ZNF423: variants seen among roughly 807,000 people sequenced by gnomAD.
The protein encoded by ZNF423 is Ebf-associated zinc finger protein.
Under a neutral mutation model 95.8 loss-of-function variants are expected in ZNF423, and 12 were observed. The ratio of observed to expected loss-of-function variants is 0.13; its 90% CI spans 0.08 to 0.20. ZNF423 has a LOEUF of 0.20. ZNF423 is among the 10% of genes least tolerant of loss of function. ZNF423 has a pLI of 1.00. For missense variants in ZNF423, 1,316 were observed against 1,737.1 expected, an observed-to-expected ratio of 0.76 and a Z score of 4.31; for synonymous variants, 749 against 711.9, an observed-to-expected ratio of 1.05 and a Z score of -0.83.
chr16:49,832,140 C>T (rs1212577877), intron 1 of ZNF423, among the ~76,000 whole-genome samples: 1 of 152,198 alleles, frequency 6.6e-6, no homozygotes, highest in East Asian at 1.9e-4. Flanking sequence ...GTGGGGCAGG[C>T]ATCATTCCTT....
At chr16:49,515,311 C>T (rs1225956328) in intron 7 of ZNF423, among the ~76,000 whole-genome samples, 1 of 152,266 alleles carries the variant, frequency 6.6e-6, no homozygotes, top group Non-Finnish European at 1.5e-5. Flanking sequence ...ACTTGTGCTA[C>T]CTGCTTGGCC....
chr16:49,753,457 G>T (rs2033668500), intron 2 of ZNF423, among the ~76,000 whole-genome samples: 1 of 149,180 alleles, frequency 6.7e-6, no homozygotes, highest in Admixed American at 6.7e-5. Context: ...AAAAAAATTA[G>T]CCAGGCGTGG....
intron 1 of ZNF423, among the ~76,000 whole-genome samples, chr16:49,849,364 T>C (rs1044394072): frequency 6.6e-6 from 1 of 152,124 alleles, no homozygotes; most frequent in East Asian, 1.9e-4. Flanking sequence ...TCAGCCCAGG[T>C]TGTAGTCTCC....
chr16:49,692,145 A>C (rs1429744491), intron 3 of ZNF423, among the ~76,000 whole-genome samples: 1 of 151,912 alleles, frequency 6.6e-6, no homozygotes, highest in Non-Finnish European at 1.5e-5. Context: ...CGAGACAGGC[A>C]TCTCACTTTG....
At chr16:49,784,352 A>G (rs2034275377) in intron 2 of ZNF423, among the ~76,000 whole-genome samples, 1 of 152,200 alleles carries the variant, frequency 6.6e-6, no homozygotes, top group African/African-American at 2.4e-5. Context: ...CCTGGGCAGC[A>G]TAGCTAGACT....
rs529824357 is a variant in ZNF423 at position 49,649,335 on chromosome 16, C to T, written c.302-10461G>A. On this transcript the variant is annotated intron_variant, in intron 3 of 7. Transcript: ENST00000563137. ...CCATCTCTTGATAGAGAGAATCCGACGAACAGGTCTCTAAGAGGCTTTGTA... is the reference window on the plus strand; with the variant it reads ...CCATCTCTTGATAGAGAGAATCCGATGAACAGGTCTCTAAGAGGCTTTGTA... Among the ~76,000 whole-genome samples, 8 of 152,210 alleles carry T rather than the reference C, an allele frequency of 5.3e-5. No homozygotes were observed. In the East Asian group the frequency reaches 5.8e-4, roughly 11 times the overall value.
At chr16:49,533,555 G>C (rs1367973338) in intron 5 of ZNF423, among the ~76,000 whole-genome samples, 1 of 152,210 alleles carries the variant, frequency 6.6e-6, no homozygotes, top group Non-Finnish European at 1.5e-5. Flanking sequence ...TCTTAGCTAG[G>C]GGTCAGTTAA....
chr16:49,696,760 AG>A (rs1402611420), intron 3 of ZNF423, among the ~76,000 whole-genome samples: 1 of 152,066 alleles, frequency 6.6e-6, no homozygotes, highest in Non-Finnish European at 1.5e-5. Flanking sequence ...ACCTCAGGCA[AG>A]CCCCCCCCAC....
chr16:49,822,743 G>A, intron 1 of ZNF423: 1 of 1,597,998 alleles, frequency 6.3e-7, no homozygotes, highest in Non-Finnish European at 8.5e-7. Flanking sequence ...GTTTTCCTGG[G>A]GGAATAAATA....
intron 5 of ZNF423, among the ~76,000 whole-genome samples, chr16:49,619,309 G>A (rs1392377617): frequency 6.6e-6 from 1 of 152,110 alleles, no homozygotes; most frequent in African/African-American, 2.4e-5. Flanking sequence ...GAACATGAAG[G>A]TATGAGGTTA....
At chr16:49,842,410 A>AAGGAAGGCAGGC (rs1448904663) in intron 1 of ZNF423, among the ~76,000 whole-genome samples, 79 of 77,938 alleles carry the variant, frequency 1.0e-3, no homozygotes, top group South Asian at 1.6e-3. Context: ...GGAAGGAAGG[A>AAGGAAGGCAGGC]AGGCAGGCAG....
At chr16:49,709,119 C>T (rs1042703153) in intron 3 of ZNF423, among the ~76,000 whole-genome samples, 4 of 148,766 alleles carry the variant, frequency 2.7e-5, no homozygotes, top group African/African-American at 9.9e-5. Context: ...TCCAGCAGCT[C>T]GGCCCAGAAA....
At chr16:49,620,170 ACAC>A (rs1258652330) in intron 5 of ZNF423, among the ~76,000 whole-genome samples, 1 of 151,234 alleles carries the variant, frequency 6.6e-6, no homozygotes, top group Non-Finnish European at 1.5e-5. Flanking sequence ...CACCACACAC[ACAC>A]AACACACACA....
intron 5 of ZNF423, among the ~76,000 whole-genome samples, chr16:49,592,009 C>A (rs1479943654): frequency 6.6e-6 from 1 of 152,214 alleles, no homozygotes; most frequent in African/African-American, 2.4e-5. Flanking sequence ...CTATCTGCTG[C>A]TTATGACAAG....
At chr16:49,631,065 C>T (rs538453327) in intron 4 of ZNF423, among the ~76,000 whole-genome samples, 1 of 152,248 alleles carries the variant, frequency 6.6e-6, no homozygotes, top group Middle Eastern at 3.4e-3. Context: ...ATATGTGCAA[C>T]CCCCAGAGAA....
intron 1 of ZNF423, 40 bp from the exon 2 acceptor site, chr16:49,789,586 C>T (rs2034377950): frequency 6.3e-7 from 1 of 1,596,282 alleles, no homozygotes; most frequent in Non-Finnish European, 8.5e-7. Flanking sequence ...AGTTTGAAGG[C>T]TGTACAAATA....
At chr16:49,576,839 T>A (rs1219601510) in intron 5 of ZNF423, among the ~76,000 whole-genome samples, 1 of 152,210 alleles carries the variant, frequency 6.6e-6, no homozygotes, top group African/African-American at 2.4e-5. Flanking sequence ...GCGCATATAT[T>A]CTTTATTATA....
upstream of ZNF423, among the ~76,000 whole-genome samples, chr16:49,858,157 G>A (rs2035391863): frequency 6.6e-6 from 1 of 151,954 alleles, no homozygotes; most frequent in Admixed American, 6.5e-5. The surrounding 1 kb of genome is among the most constrained non-coding windows in gnomAD (Gnocchi z 4.3). Flanking sequence ...GGAGGGCTAC[G>A]TCCCCTCGGA....
intron 5 of ZNF423, among the ~76,000 whole-genome samples, chr16:49,599,806 C>T (rs958533480): frequency 6.6e-6 from 1 of 152,138 alleles, no homozygotes; most frequent in Non-Finnish European, 1.5e-5. Context: ...CAGAAACAGG[C>T]AAAACTCATC....
Sources: allele counts gnomAD v4.1 joint callset (sites outside exome capture counted in the v4.1 genomes callset), GRCh38; gene constraint gnomAD v4.1.1; non-coding constraint Gnocchi (gnomAD v3.1); transcripts MANE v1.5; gene names NCBI Gene and HGNC (gene_info 2026-07-23, HGNC 2026-07-21).